PRMT3: variants seen among roughly 807,000 people sequenced by gnomAD.
PRMT3 encodes protein arginine methyltransferase 3, also known as protein arginine N-methyltransferase 3.
In PRMT3, 62 loss-of-function variants were observed where a neutral mutation model predicts 71.9. The observed-to-expected ratio is 0.86, with a 90% confidence interval of 0.70 to 1.07. PRMT3 has a LOEUF of 1.07. Among genes scored for constraint, PRMT3 ranks in the 50% least tolerant of loss-of-function variants. The pLI is 0.00. For synonymous variants in PRMT3, 213 were observed against 220.4 expected (o/e 0.97, Z 0.30); for missense variants, 663 against 643.0 (o/e 1.03, Z -0.34).
At chr11:20,480,036 G>T (rs751341752) in intron 13 of PRMT3, among the ~76,000 whole-genome samples, 6 of 152,054 alleles carry the variant, frequency 3.9e-5, no homozygotes, top group Admixed American at 3.3e-4. Context: ...ATTTAAAAAG[G>T]GGGGAAAGGC....
intron 9 of PRMT3, among the ~76,000 whole-genome samples, chr11:20,422,260 T>C (rs957805851): frequency 6.6e-6 from 1 of 152,242 alleles, no homozygotes; most frequent in South Asian, 2.1e-4. Flanking sequence ...TCACCAGGCT[T>C]TTTTGGTGTT....
In PRMT3 at chr11:20,461,998, C is replaced by G. The variant is rs921828341; in HGVS notation, c.1091C>G (p.Thr364Ser). 6.3e-7 allele frequency: 1 copy of G among 1,589,958 alleles called. No individual in the cohort carries two copies. Among genetic ancestry groups the G allele is most frequent in the African/African-American group, 1.3e-5 (1 of 74,752 alleles). The change falls in exon 12 of 16, where the codon ACT becomes AGT. Residue 364 changes from threonine to serine, a missense_variant. Physicochemically the swap from Thr to Ser is moderately conservative, Grantham distance 58. Coordinates refer to ENST00000331079, the MANE Select transcript of PRMT3 (RefSeq NM_005788.4). ...GTTACAGTCTACCCTGACATTTGCACTATCAGCCTTGTAGCAGTGAGTGAT... is the reference window on the plus strand; with the variant it reads ...GTTACAGTCTACCCTGACATTTGCAGTATCAGCCTTGTAGCAGTGAGTGAT... The part of the protein sequence containing the change: ...KGGSVYPDIC[T>S]ISLVAVSDVN...
chr11:20,504,618 A>G (rs1851535432), intron 15 of PRMT3, among the ~76,000 whole-genome samples: 1 of 151,892 alleles, frequency 6.6e-6, no homozygotes, highest in Non-Finnish European at 1.5e-5. Flanking sequence ...ATTTATGTGG[A>G]CCATCTTTAA....
At chr11:20,440,487 T>TAAAAAAAA (rs1247319781) in intron 10 of PRMT3, among the ~76,000 whole-genome samples, 1 of 12,078 alleles carries the variant, frequency 8.3e-5, no homozygotes, top group East Asian at 2.2e-3. Context: ...CTACTAAAAA[T>TAAAAAAAA]ACAAAAAAAA....
At chr11:20,477,323 C>G (rs1395359908) in intron 13 of PRMT3, among the ~76,000 whole-genome samples, 2 of 152,102 alleles carry the variant, frequency 1.3e-5, no homozygotes, top group Non-Finnish European at 2.9e-5. Context: ...CGGCTGTAAT[C>G]CCAGCACTTT....
intron 13 of PRMT3, among the ~76,000 whole-genome samples, chr11:20,481,053 A>G (rs1189080923): frequency 6.6e-6 from 1 of 152,140 alleles, no homozygotes; most frequent in Non-Finnish European, 1.5e-5. Flanking sequence ...TTTATGAAAG[A>G]CTTTTTGAAA....
rs1046523522 is a variant in PRMT3 at position 20,387,985 on chromosome 11, C to T, written c.29-34C>T. 1 of 1,612,640 alleles carries T rather than the reference C, an allele frequency of 6.2e-7. No individual in the cohort carries two copies. The highest frequency in any genetic ancestry group is 1.7e-5 in the Admixed American group (1 of 59,976). On this transcript the variant is annotated intron_variant, in intron 1 of 15. Coordinates refer to ENST00000331079, the MANE Select transcript of PRMT3 (RefSeq NM_005788.4). This position sits in a 1 kb window ranked among gnomAD's most constrained non-coding sequence, Gnocchi z 4.3. ...CGAGCCCCCGGGCCGCACCGGTGTC[C>T]GAGGCCGATCTGATTGTTGTGTGTG... is the stretch of plus-strand genomic sequence containing the variant.
rs58636447 is a variant in PRMT3, at chr11:20,423,873, T to TAA, written c.894-2865_894-2864dup. Among the ~76,000 whole-genome samples, 43 of 27,114 alleles carry TAA rather than the reference T, an allele frequency of 1.6e-3. 1 individual carries two copies. The highest frequency in any genetic ancestry group is 3.8e-3 in the African/African-American group (33 of 8,780). 17.8% of individuals were successfully genotyped at this position (27,114 alleles called of 152,430 possible). ...TGAGTGACAGAGTGAGATTCTCTCTTAAAAAAAAAAAAAAAAAAAAAAAAA... is the reference window on the plus strand; with the variant it reads ...TGAGTGACAGAGTGAGATTCTCTCTTAAAAAAAAAAAAAAAAAAAAAAAAAAA... On this transcript the variant is annotated intron_variant, in intron 9 of 15. Transcript: ENST00000331079.
rs1170963346 is a variant in PRMT3, at chr11:20,462,040, A to G, written c.1133A>G (p.Asp378Gly). 1 of 1,612,814 alleles carries G rather than the reference A, an allele frequency of 6.2e-7. No homozygotes were observed. The highest frequency in any genetic ancestry group is 1.3e-5 in the African/African-American group (1 of 74,902). Residue 378 changes from aspartate (D) to glycine (G), a missense_variant, in exon 12 of 16, where the codon GAT becomes GGT. By Grantham distance (94) the Asp-to-Gly change is moderately conservative. Transcript: ENST00000331079. ...GTGAGTGATGTGAATAAACATGCTG[A>G]TAGAATTGCTTTTTGGGATGATGTC... ...VAVSDVNKHA[D>G]RIAFWDDVYG...
intron 8 of PRMT3, chr11:20,406,291 A>G (rs1356396908): frequency 2.6e-5 from 4 of 152,244 alleles, no homozygotes; most frequent in Non-Finnish European, 1.5e-5. Context: ...GACAAGAGAA[A>G]GAAGACTTCA....
intron 8 of PRMT3, among the ~76,000 whole-genome samples, chr11:20,403,822 A>T (rs1849003029): frequency 6.6e-6 from 1 of 152,202 alleles, no homozygotes; most frequent in Non-Finnish European, 1.5e-5. Flanking sequence ...TCAGGTTGTT[A>T]TAATTCGGCT....
chr11:20,426,435 TTTATATGTC>T (rs1278487382), intron 9 of PRMT3, among the ~76,000 whole-genome samples: 11 of 152,200 alleles, frequency 7.2e-5, no homozygotes, highest in Non-Finnish European at 1.5e-4. Context: ...AAACCATACT[TTTATATGTC>T]TTATATGTCT....
At chr11:20,442,477 T>C (rs984972209) in intron 10 of PRMT3, among the ~76,000 whole-genome samples, 2 of 152,190 alleles carry the variant, frequency 1.3e-5, no homozygotes. Flanking sequence ...CTTTTTATTT[T>C]TGGGGTTATT....
chr11:20,420,806 A>G (rs1001554960), intron 9 of PRMT3, among the ~76,000 whole-genome samples: 10 of 152,352 alleles, frequency 6.6e-5, no homozygotes, highest in Non-Finnish European at 1.3e-4. Context: ...GTTCAGGAAC[A>G]GGACAAGGAT....
chr11:20,420,776 A>G (rs1327367480), intron 9 of PRMT3, among the ~76,000 whole-genome samples: 1 of 152,224 alleles, frequency 6.6e-6, no homozygotes, highest in East Asian at 1.9e-4. Context: ...GTGATGAAGC[A>G]TTGAAAGCAT....
intron 13 of PRMT3, among the ~76,000 whole-genome samples, chr11:20,482,959 A>G (rs1261775502): frequency 6.6e-6 from 1 of 152,088 alleles, no homozygotes; most frequent in Non-Finnish European, 1.5e-5. Flanking sequence ...TCAGGTACAT[A>G]ACAGAAGGGC....
chr11:20,407,494 A>G (rs1445586153), intron 8 of PRMT3: 1 of 157,770 alleles, frequency 6.3e-6, no homozygotes, highest in South Asian at 1.8e-4. Flanking sequence ...AATGTTTATA[A>G]AAGTAATTAT....
intron 10 of PRMT3, among the ~76,000 whole-genome samples, chr11:20,441,258 TAAC>T (rs1415503087): frequency 9.6e-5 from 14 of 146,108 alleles, no homozygotes; most frequent in South Asian, 2.2e-4. Flanking sequence ...CAGATGTTAC[TAAC>T]TTTTTATTTA....
intron 15 of PRMT3, among the ~76,000 whole-genome samples, chr11:20,506,127 A>G (rs1376331095): frequency 1.3e-5 from 2 of 152,294 alleles, no homozygotes; most frequent in South Asian, 2.1e-4. Flanking sequence ...CCTCATAGCA[A>G]TATTTTGTGA....
Sources: allele counts gnomAD v4.1 joint callset (sites outside exome capture counted in the v4.1 genomes callset), GRCh38; gene constraint gnomAD v4.1.1; non-coding constraint Gnocchi (gnomAD v3.1); transcripts MANE v1.5; gene names NCBI Gene and HGNC (gene_info 2026-07-23, HGNC 2026-07-21).